BCL2: variants seen among roughly 807,000 people sequenced by gnomAD.
The protein encoded by BCL2 is apoptosis regulator Bcl-2.
A neutral mutation model predicts 14.2 loss-of-function variants in BCL2; 1 was observed. That is an observed-to-expected ratio of 0.07 (90% CI 0.02 to 0.33). The LOEUF (loss-of-function observed/expected upper bound fraction) is 0.33, where lower values mean the gene tolerates loss of function less well. Ranked by LOEUF, BCL2 falls within the 10% of genes least tolerant of loss-of-function variation. The pLI is 0.99. For synonymous variants in BCL2, 151 were observed against 137.2 expected (o/e 1.10, Z -0.70); for missense variants, 247 against 305.9 (o/e 0.81, Z 1.44).
chr18:63,141,635 C>T (rs1454841852), intron 2 of BCL2, among the ~76,000 whole-genome samples: 1 of 152,244 alleles, frequency 6.6e-6, no homozygotes, highest in African/African-American at 2.4e-5. Flanking sequence ...ACAGGACTCT[C>T]CACTGCCTGA....
At chr18:63,184,660 G>A (rs1915550053) in intron 2 of BCL2, among the ~76,000 whole-genome samples, 1 of 152,242 alleles carries the variant, frequency 6.6e-6, no homozygotes. Flanking sequence ...GCCCATCAGG[G>A]GAGAGTAGGA....
intron 2 of BCL2, among the ~76,000 whole-genome samples, chr18:63,152,856 T>C (rs1428116574): frequency 2.0e-5 from 3 of 152,228 alleles, no homozygotes; most frequent in Non-Finnish European, 4.4e-5. Flanking sequence ...ACCTATTTGA[T>C]AATGGGTCCT....
At chr18:63,266,922 A>T (rs1289796044) in intron 2 of BCL2, among the ~76,000 whole-genome samples, 2 of 152,154 alleles carry the variant, frequency 1.3e-5, no homozygotes, top group African/African-American at 4.8e-5. Context: ...AAATAAGTCT[A>T]CTCGGTTGGT....
intron 2 of BCL2, among the ~76,000 whole-genome samples, chr18:63,192,011 T>A (rs2144652565): frequency 6.6e-6 from 1 of 152,350 alleles, no homozygotes; most frequent in East Asian, 1.9e-4. Context: ...ATTGAACTAC[T>A]ATGTGCAGGG....
intron 2 of BCL2, among the ~76,000 whole-genome samples, chr18:63,190,730 T>C (rs749161025): frequency 3.9e-5 from 6 of 152,046 alleles, no homozygotes; most frequent in Non-Finnish European, 4.4e-5. Flanking sequence ...CTGGGATACA[T>C]GTGCACCATG....
Position 63,319,319 on chromosome 18 carries a change from G to C in BCL2, c.-432C>G. The C allele has an allele frequency of 4.4e-6, 1 of 228,030 alleles. No homozygotes were observed. The allele number at this position is 228,030 out of a possible 1,614,324, so 14.1% of individuals were successfully genotyped here. A position where few individuals can be genotyped will look rare whatever the true frequency, so the allele number is the denominator to read the frequency against. ...CTTCCCAATGAATCAGGAGTCGCGG[G>C]GAGAGGGAGTAAAAATTAGGAGGAT... On this transcript the variant is annotated 5_prime_UTR_variant, in exon 1 of 3. Coordinates refer to ENST00000333681, the MANE Select transcript of BCL2 (RefSeq NM_000633.3).
chr18:63,271,371 C>T (rs1248704502), intron 2 of BCL2, among the ~76,000 whole-genome samples: 3 of 151,928 alleles, frequency 2.0e-5, no homozygotes, highest in African/African-American at 4.8e-5. Context: ...TAATTAACAC[C>T]GAGTAACATT....
chr18:63,271,755 A>G (rs74605492), intron 2 of BCL2, among the ~76,000 whole-genome samples: 4,007 of 152,334 alleles, frequency 0.026, 170 homozygotes, highest in African/African-American at 0.092. Flanking sequence ...TTTCAGTTCA[A>G]CAAAAGGTTT....
At chr18:63,282,085 C>T (rs1195912195) in intron 2 of BCL2, among the ~76,000 whole-genome samples, 1 of 152,240 alleles carries the variant, frequency 6.6e-6, no homozygotes, top group Non-Finnish European at 1.5e-5. Flanking sequence ...TGCAATTTGA[C>T]TGTAGCCCAT....
intron 2 of BCL2, among the ~76,000 whole-genome samples, chr18:63,188,898 G>T (rs1354040229): frequency 6.6e-6 from 1 of 151,010 alleles, no homozygotes; most frequent in Non-Finnish European, 1.5e-5. Flanking sequence ...TAAAATGTGA[G>T]TTCATATGTA....
chr18:63,206,319 A>C (rs112893358), intron 2 of BCL2, among the ~76,000 whole-genome samples: 3,457 of 152,330 alleles, frequency 0.023, 44 homozygotes, highest in South Asian at 0.055. Flanking sequence ...TCCAAGGATA[A>C]ACACAAGTAA....
chr18:63,255,214 T>A (rs886924502), intron 2 of BCL2, among the ~76,000 whole-genome samples: 1 of 152,198 alleles, frequency 6.6e-6, no homozygotes, highest in Non-Finnish European at 1.5e-5. Context: ...CTTCTCTAGT[T>A]TCATAATTCA....
intron 2 of BCL2, among the ~76,000 whole-genome samples, chr18:63,144,549 A>G (rs1914457876): frequency 6.6e-6 from 1 of 152,128 alleles, no homozygotes; most frequent in Non-Finnish European, 1.5e-5. Context: ...CCCCCGGAGC[A>G]ATAAATATGA....
At chr18:63,134,080 C>T (rs1234120899) in intron 2 of BCL2, among the ~76,000 whole-genome samples, 1 of 151,992 alleles carries the variant, frequency 6.6e-6, no homozygotes, top group East Asian at 1.9e-4. Flanking sequence ...TGCGCGTTTA[C>T]AAACAGAAAA....
intron 2 of BCL2, among the ~76,000 whole-genome samples, chr18:63,276,348 A>G (rs1243579727): frequency 1.6e-5 from 2 of 127,414 alleles, no homozygotes; most frequent in African/African-American, 2.8e-5. Flanking sequence ...AAAATGCTTG[A>G]AAAAGCATCT....
rs554411658 is a variant in BCL2, at chr18:63,260,190, T to C, written c.585+57892A>G. Among the ~76,000 whole-genome samples, 31 of 152,338 alleles carry C rather than the reference T, an allele frequency of 2.0e-4. No individual in the cohort carries two copies. The South Asian group carries it at 6.0e-3, about 30-fold the overall frequency. On this transcript the variant is annotated intron_variant, in intron 2 of 2. Coordinates refer to ENST00000333681, the MANE Select transcript of BCL2 (RefSeq NM_000633.3). The stretch of plus-strand genomic sequence containing the variant: ...CCATCAGAAAAGCCTAACAACACTG[T>C]AGCCTTCACTACAATGCATAAGCAT...
At chr18:63,188,699 T>C (rs2144649403) in intron 2 of BCL2, among the ~76,000 whole-genome samples, 1 of 152,256 alleles carries the variant, frequency 6.6e-6, no homozygotes, top group East Asian at 1.9e-4. Flanking sequence ...TGTAATAATA[T>C]TAATTTCAAT....
chr18:63,206,287 G>A (rs1017472442), intron 2 of BCL2, among the ~76,000 whole-genome samples: 2 of 152,224 alleles, frequency 1.3e-5, no homozygotes, highest in African/African-American at 4.8e-5. Context: ...CAATACCCAA[G>A]CGTTAGATAA....
intron 2 of BCL2, among the ~76,000 whole-genome samples, chr18:63,228,996 C>T (rs1348448783): frequency 6.6e-6 from 1 of 152,214 alleles, no homozygotes; most frequent in Non-Finnish European, 1.5e-5. Context: ...AGGCATGAGC[C>T]ACCACGCCCG....
Sources: allele counts gnomAD v4.1 joint callset (sites outside exome capture counted in the v4.1 genomes callset), GRCh38; gene constraint gnomAD v4.1.1; transcripts MANE v1.5; gene names NCBI Gene and HGNC (gene_info 2026-07-23, HGNC 2026-07-21).